PTPRN2: variants seen among roughly 807,000 people sequenced by gnomAD.
PTPRN2 encodes receptor-type tyrosine-protein phosphatase N2.
A neutral mutation model predicts 118.8 loss-of-function variants in PTPRN2; 74 were observed. The ratio of observed to expected loss-of-function variants is 0.62; its 90% CI spans 0.52 to 0.76. The LOEUF is 0.76. PTPRN2 is among the 30% of genes least tolerant of loss of function. The pLI, the probability that PTPRN2 is intolerant of heterozygous loss-of-function variation, is 0.00. For missense variants in PTPRN2, 1,481 were observed against 1,394.4 expected, an observed-to-expected ratio of 1.06 and a Z score of -0.99; for synonymous variants, 641 against 608.0, an observed-to-expected ratio of 1.05 and a Z score of -0.80.
chr7:157,616,837 T>C (rs1442728029), intron 15 of PTPRN2: 1 of 151,888 alleles, frequency 6.6e-6, no homozygotes, highest in East Asian at 1.9e-4. Flanking sequence ...GGACTCTGTT[T>C]AGAGTTTTGG....
At chr7:158,144,232 C>A (rs1173353367) in intron 6 of PTPRN2, among the ~76,000 whole-genome samples, 1 of 152,184 alleles carries the variant, frequency 6.6e-6, no homozygotes, top group East Asian at 1.9e-4. Flanking sequence ...TACTGATCCA[C>A]AAATAAACTT....
chr7:157,612,570 G>C (rs1188944813), intron 15 of PTPRN2, among the ~76,000 whole-genome samples: 1 of 152,220 alleles, frequency 6.6e-6, no homozygotes, highest in Non-Finnish European at 1.5e-5. Context: ...GTGGATCGGG[G>C]GCAGAAGCTG....
In PTPRN2 at chr7:157,595,331, C is replaced by G. The variant is rs1330489168; in HGVS notation, c.2419-16G>C. The G allele has an allele frequency of 1.2e-6, 2 of 1,612,044 alleles. No homozygotes were observed. The highest frequency in any genetic ancestry group is 3.3e-5 in the Admixed American group (2 of 59,892). On this transcript the variant is annotated splice_polypyrimidine_tract_variant and intron_variant, in intron 16 of 22. Coordinates refer to ENST00000389418, the MANE Select transcript of PTPRN2 (RefSeq NM_002847.5). ...CGTGATCCATCTGCAGAGACAAGAC[C>G]ACACCACAGCGGTTAGCCAGGAGAT...
intron 11 of PTPRN2, among the ~76,000 whole-genome samples, chr7:158,071,994 G>GTGGTGGAGGTGCTCC (rs1811922668): frequency 9.4e-6 from 1 of 106,606 alleles, no homozygotes; most frequent in African/African-American, 3.9e-5. Flanking sequence ...GGTGCTCGTG[G>GTGGTGGAGGTGCTCC]TGGTGGAGGT....
chr7:158,159,670 T>G (rs1201743269), intron 6 of PTPRN2, among the ~76,000 whole-genome samples: 1 of 134,016 alleles, frequency 7.5e-6, no homozygotes, highest in Non-Finnish European at 1.8e-5. Context: ...TATTTGTCAT[T>G]GGTTCATTTA....
intron 12 of PTPRN2, among the ~76,000 whole-genome samples, chr7:157,691,850 A>G (rs555767745): frequency 2.0e-5 from 3 of 152,114 alleles, no homozygotes; most frequent in East Asian, 3.9e-4. Flanking sequence ...GACTAGGACC[A>G]CTGAGCACCT....
rs1196974743 is a variant in PTPRN2, at chr7:157,814,503, G to GGA, written c.1788+84169_1788+84170insTC. 5.3e-3 allele frequency among the ~76,000 whole-genome samples: 705 copies of GGA among 134,128 alleles called. 12 individuals are homozygous for GGA. Among genetic ancestry groups the GGA allele is most frequent in the African/African-American group, 0.021 (661 of 31,006 alleles). 88.0% of individuals were successfully genotyped at this position (134,128 alleles called of 152,430 possible). A position where few individuals can be genotyped will look rare whatever the true frequency, so the allele number is the denominator to read the frequency against. ...GACAGGGACAGAGGAGAGACACGGG[G>GGA]CAGGACGGGGCAGGACGGGGACAGG... On this transcript the variant is annotated intron_variant, in intron 12 of 22. Transcript: ENST00000389418.
chr7:158,185,228 G>C (rs536706426), intron 5 of PTPRN2, among the ~76,000 whole-genome samples: 17 of 152,078 alleles, frequency 1.1e-4, no homozygotes, highest in Non-Finnish European at 2.4e-4. Flanking sequence ...GTATGATTTT[G>C]ATCTGTTGAC....
At chr7:158,398,403 C>T (rs1812690508) in intron 2 of PTPRN2, among the ~76,000 whole-genome samples, 2 of 152,212 alleles carry the variant, frequency 1.3e-5, no homozygotes, top group African/African-American at 4.8e-5. Context: ...TGTTGCCTCA[C>T]CTGGTCACAG....
intron 3 of PTPRN2, among the ~76,000 whole-genome samples, chr7:158,239,400 CTTTG>C (rs1028455678): frequency 6.6e-6 from 1 of 152,174 alleles, no homozygotes; most frequent in Non-Finnish European, 1.5e-5. Flanking sequence ...TCCTGGGGCG[CTTTG>C]TTTCAGTCCA....
Position 158,587,810 on chromosome 7 carries a change from C to T in PTPRN2, c.-141G>A. 1.2e-6 allele frequency: 1 copy of T among 841,722 alleles called. No individual in the cohort carries two copies. The highest frequency in any genetic ancestry group is 1.4e-6 in the Non-Finnish European group (1 of 699,176). 52.1% of individuals were successfully genotyped at this position (841,722 alleles called of 1,614,324 possible). Reference sequence around the variant, plus strand: ...GCTCTTGCGGCGACGCCGGGCCGAGCTTCAGCACCGGACAGCGCCCGGCCC... The same window carrying T: ...GCTCTTGCGGCGACGCCGGGCCGAGTTTCAGCACCGGACAGCGCCCGGCCC... On this transcript the variant is annotated 5_prime_UTR_variant, in exon 1 of 23. Coordinates refer to ENST00000389418, the MANE Select transcript of PTPRN2 (RefSeq NM_002847.5).
At chr7:158,298,858 CA>C (rs1563102959) in intron 3 of PTPRN2, among the ~76,000 whole-genome samples, 2 of 152,194 alleles carry the variant, frequency 1.3e-5, no homozygotes, top group South Asian at 4.1e-4. Flanking sequence ...AGCCCAGACC[CA>C]GGGGTAAAAT....
At chr7:157,684,701 C>G (rs1362274331) in intron 12 of PTPRN2, among the ~76,000 whole-genome samples, 1 of 151,888 alleles carries the variant, frequency 6.6e-6, no homozygotes, top group African/African-American at 2.4e-5. Flanking sequence ...CCCACCGGGT[C>G]TCCTGCGCGC....
intron 3 of PTPRN2, among the ~76,000 whole-genome samples, chr7:158,250,172 C>A (rs1190415782): frequency 6.6e-6 from 1 of 152,144 alleles, no homozygotes; most frequent in Non-Finnish European, 1.5e-5. Flanking sequence ...CTTATACTAT[C>A]AAGGAAAGCC....
intron 5 of PTPRN2, among the ~76,000 whole-genome samples, chr7:158,181,466 G>A (rs1456690702): frequency 6.6e-6 from 1 of 152,154 alleles, no homozygotes; most frequent in Non-Finnish European, 1.5e-5. Context: ...ATTAGTTAGG[G>A]AGGATTCTCT....
rs2151287626 is a variant in PTPRN2, at chr7:157,881,924, A to C, written c.1788+16749T>G. ...GGCCCTCCACCATCCATCAGTTTCT[A>C]ATGTAGGAGATGAGAACACATCACC... On this transcript the variant is annotated intron_variant, in intron 12 of 22. Transcript: ENST00000389418. The surrounding 1 kb of genome is among the most constrained non-coding windows in gnomAD (Gnocchi z 4.7). 6.6e-6 allele frequency among the ~76,000 whole-genome samples: 1 copy of C among 152,348 alleles called. No homozygotes were observed. Among genetic ancestry groups the C allele is most frequent in the East Asian group, 1.9e-4 (1 of 5,192 alleles).
chr7:157,751,538 T>C (rs1396488327), intron 12 of PTPRN2, among the ~76,000 whole-genome samples: 1 of 152,114 alleles, frequency 6.6e-6, no homozygotes, highest in Non-Finnish European at 1.5e-5. Context: ...GGGAGGTGTC[T>C]CTGTCCTCGG....
At chr7:157,878,800 C>T (rs1212193656) in intron 12 of PTPRN2, among the ~76,000 whole-genome samples, 7 of 74,380 alleles carry the variant, frequency 9.4e-5, no homozygotes, top group Non-Finnish European at 7.9e-5. Context: ...TCTCGGATTC[C>T]GTGGGGCTGG....
rs1381147839 is a variant in PTPRN2, at chr7:157,787,446, C to T, written c.1789-104509G>A. 1.3e-5 allele frequency among the ~76,000 whole-genome samples: 2 copies of T among 151,954 alleles called. No homozygotes were observed. Among genetic ancestry groups the T allele is most frequent in the Non-Finnish European group, 2.9e-5 (2 of 67,948 alleles). On this transcript the variant is annotated intron_variant, in intron 12 of 22. Coordinates refer to ENST00000389418, the MANE Select transcript of PTPRN2 (RefSeq NM_002847.5). The surrounding 1 kb of genome is among the most constrained non-coding windows in gnomAD (Gnocchi z 5.3). ...TGGGCCTGGGGGGCGCGTGGACTCCCAGCTGTTGCTGTGCCTGGGTCACCC... is the reference window on the plus strand; with the variant it reads ...TGGGCCTGGGGGGCGCGTGGACTCCTAGCTGTTGCTGTGCCTGGGTCACCC...
Sources: allele counts gnomAD v4.1 joint callset (sites outside exome capture counted in the v4.1 genomes callset), GRCh38; gene constraint gnomAD v4.1.1; non-coding constraint Gnocchi (gnomAD v3.1); transcripts MANE v1.5; gene names NCBI Gene and HGNC (gene_info 2026-07-23, HGNC 2026-07-21).